The following JAZF1 variants were observed in gnomAD, a reference collection of about 807,000 sequenced individuals.
JAZF1 encodes juxtaposed with another zinc finger protein 1.
Under a neutral mutation model 26.4 loss-of-function variants are expected in JAZF1, and 8 were observed. The observed-to-expected ratio is 0.30, with a 90% CI of 0.18 to 0.55. The LOEUF (loss-of-function observed/expected upper bound fraction) is 0.55, where lower values mean the gene tolerates loss of function less well. JAZF1 is among the 20% of genes least tolerant of loss of function. The pLI is 0.94. For missense variants in JAZF1, 199 were observed against 322.0 expected (o/e 0.62, Z 2.92); for synonymous variants, 126 against 122.3 (o/e 1.03, Z -0.20).
At chr7:27,929,044 C>T (rs185024854) in intron 2 of JAZF1, among the ~76,000 whole-genome samples, 5 of 152,290 alleles carry the variant, frequency 3.3e-5, no homozygotes, top group African/African-American at 9.6e-5. Context: ...AAGAGGGGCA[C>T]GTTCAAGATT....
intron 1 of JAZF1, among the ~76,000 whole-genome samples, chr7:28,013,946 T>C (rs1782840497): frequency 1.3e-5 from 2 of 152,148 alleles, no homozygotes; most frequent in Non-Finnish European, 2.9e-5. Flanking sequence ...AGTAACACTT[T>C]CTTAGAAATA....
chr7:27,919,538 C>T (rs546719698), intron 2 of JAZF1, among the ~76,000 whole-genome samples: 12 of 152,248 alleles, frequency 7.9e-5, no homozygotes, highest in African/African-American at 2.2e-4. Context: ...ACTATCAGAG[C>T]TGGATAACAC....
chr7:27,863,126 C>T (rs1169841612), intron 3 of JAZF1, among the ~76,000 whole-genome samples: 3 of 152,262 alleles, frequency 2.0e-5, no homozygotes, highest in Non-Finnish European at 4.4e-5. Context: ...CTAACATCAA[C>T]ATGTGCTTCA....
intron 2 of JAZF1, among the ~76,000 whole-genome samples, chr7:27,982,742 C>A (rs538077781): frequency 6.6e-6 from 1 of 152,146 alleles, no homozygotes; most frequent in Admixed American, 6.5e-5. Context: ...TGAGACGAAG[C>A]TTCCAGAGGA....
At chr7:27,876,704 G>A (rs752696120) in intron 3 of JAZF1, among the ~76,000 whole-genome samples, 9 of 152,200 alleles carry the variant, frequency 5.9e-5, no homozygotes, top group Non-Finnish European at 1.2e-4. Context: ...TAAGATCCCG[G>A]ATAGCAGACT....
chr7:27,851,883 T>G (rs1011512351), intron 3 of JAZF1, among the ~76,000 whole-genome samples: 2 of 151,948 alleles, frequency 1.3e-5, no homozygotes, highest in African/African-American at 2.4e-5. Context: ...CTCGGGCCAG[T>G]GGAGGGTGTG....
At chr7:27,998,782 T>C (rs1786074209) in intron 1 of JAZF1, among the ~76,000 whole-genome samples, 2 of 152,248 alleles carry the variant, frequency 1.3e-5, no homozygotes, top group South Asian at 2.1e-4. Flanking sequence ...AGTGAATGAA[T>C]AAACATTATT....
chr7:27,854,631 T>C (rs1044711542), intron 3 of JAZF1, among the ~76,000 whole-genome samples: 2 of 152,244 alleles, frequency 1.3e-5, no homozygotes, highest in African/African-American at 4.8e-5. Flanking sequence ...CTTATGAAGC[T>C]TAGTTTGGCT....
intron 2 of JAZF1, among the ~76,000 whole-genome samples, chr7:27,938,640 G>A (rs1336583728): frequency 6.6e-6 from 1 of 152,116 alleles, no homozygotes; most frequent in East Asian, 1.9e-4. Context: ...TATTCAGTAA[G>A]TAGCAGCCAT....
intron 2 of JAZF1, among the ~76,000 whole-genome samples, chr7:27,963,567 C>T (rs1294758874): frequency 2.8e-5 from 3 of 106,248 alleles, no homozygotes; most frequent in African/African-American, 9.8e-5. Flanking sequence ...TTCCCCCCCC[C>T]CCTTTTTTTT....
intron 2 of JAZF1, among the ~76,000 whole-genome samples, chr7:27,940,137 C>A (rs896097469): frequency 6.6e-6 from 1 of 152,174 alleles, no homozygotes; most frequent in African/African-American, 2.4e-5. Context: ...GAGTGCTGCG[C>A]CAGCCCTGAG....
At chr7:28,056,670 G>A (rs979591757) in intron 1 of JAZF1, among the ~76,000 whole-genome samples, 6 of 152,102 alleles carry the variant, frequency 3.9e-5, no homozygotes, top group African/African-American at 7.2e-5. Context: ...TTTATGCTCA[G>A]CTGGGGCTCA....
chr7:28,086,592 A>G (rs1407681931), intron 1 of JAZF1, among the ~76,000 whole-genome samples: 2 of 152,222 alleles, frequency 1.3e-5, no homozygotes, highest in Non-Finnish European at 2.9e-5. Flanking sequence ...CCTTCATTTA[A>G]GACTTTCTGG....
chr7:28,049,789 G>A lies in JAZF1; in HGVS notation c.116-57808C>T, dbSNP rs117239874. Among the ~76,000 whole-genome samples the A allele has an allele frequency of 5.2e-3, 795 of 152,230 alleles. 4 individuals are homozygous for A. Among genetic ancestry groups the A allele is most frequent in the Middle Eastern group, 0.014 (4 of 294 alleles). On this transcript the variant is annotated intron_variant, in intron 1 of 4. Transcript: ENST00000283928. Reference sequence around the variant, plus strand: ...AACTCAGGAACAGCCAAATGGAAGCGAGGCACTGGACGAGCTATGGGAAAG... The same window carrying A: ...AACTCAGGAACAGCCAAATGGAAGCAAGGCACTGGACGAGCTATGGGAAAG...
chr7:27,909,860 CACTT>C (rs751258537), intron 2 of JAZF1, among the ~76,000 whole-genome samples: 100 of 152,266 alleles, frequency 6.6e-4, no homozygotes, highest in Middle Eastern at 3.4e-3. Flanking sequence ...TTCACATAAT[CACTT>C]AAAAATATAT....
chr7:27,841,439 C>T (rs58651394), intron 3 of JAZF1: 5,680 of 152,468 alleles, frequency 0.037, 206 homozygotes, highest in African/African-American at 0.092. Context: ...GTTACCCTCA[C>T]GCTAGGGAGC....
At chr7:27,861,320 T>C (rs1783375707) in intron 3 of JAZF1, among the ~76,000 whole-genome samples, 1 of 152,182 alleles carries the variant, frequency 6.6e-6, no homozygotes, top group South Asian at 2.1e-4. Flanking sequence ...AAATTTTTTT[T>C]TTATAATTTC....
intron 2 of JAZF1, among the ~76,000 whole-genome samples, chr7:27,946,547 G>A (rs1214704569): frequency 6.6e-6 from 1 of 152,200 alleles, no homozygotes; most frequent in Non-Finnish European, 1.5e-5. Flanking sequence ...GGAGTACTCA[G>A]TATTCACAGG....
intron 2 of JAZF1, among the ~76,000 whole-genome samples, chr7:27,981,391 T>C (rs1238574700): frequency 6.6e-6 from 1 of 152,206 alleles, no homozygotes; most frequent in African/African-American, 2.4e-5. Flanking sequence ...AAAGGGACTG[T>C]GATTCCCTGA....
Sources: gnomAD v4.1 joint callset for allele counts (sites outside exome capture counted in the v4.1 genomes callset) on GRCh38, gnomAD v4.1.1 for gene constraint, MANE v1.5 for transcripts, NCBI Gene and HGNC (gene_info 2026-07-23, HGNC 2026-07-21) for gene names.